NEDD1: variants seen among roughly 807,000 people sequenced by gnomAD.
The protein encoded by NEDD1 is protein NEDD1.
In NEDD1, 33 loss-of-function variants were observed where a neutral mutation model predicts 74.0. That is an observed-to-expected ratio of 0.45 (90% CI 0.34 to 0.60). The LOEUF is 0.60. Ranked by LOEUF, NEDD1 falls within the 20% of genes least tolerant of loss-of-function variation. The pLI is 0.01. For missense variants in NEDD1, 746 were observed against 776.5 expected, an observed-to-expected ratio of 0.96 and a Z score of 0.47; for synonymous variants, 250 against 264.4, an observed-to-expected ratio of 0.95 and a Z score of 0.53.
At position 96,943,668 on chromosome 12, in the gene NEDD1, C is replaced by A. The variant is rs889272984; in HGVS notation, c.1403C>A (p.Ser468Tyr). 1.2e-6 allele frequency: 2 copies of A among 1,611,104 alleles called. No individual in the cohort carries two copies. Among genetic ancestry groups the A allele is most frequent in the African/African-American group, 1.3e-5 (1 of 74,802 alleles). The part of the protein sequence containing the change: ...HSSPLNVFMG[S>Y]PGKEENENRD... Reference sequence around the variant, plus strand: ...AGTCCTCTTAATGTTTTTATGGGATCTCCAGGGAAAGAGGAAAATGAAAAC... The same window carrying A: ...AGTCCTCTTAATGTTTTTATGGGATATCCAGGGAAAGAGGAAAATGAAAAC... The change falls in exon 12 of 16, where the codon TCT (serine) becomes TAT (tyrosine). Residue 468 changes from serine to tyrosine, a missense_variant. Around this residue, in one of 3 missense-constraint regions of NEDD1, gnomAD observed 706 missense variants for 706.7 expected, o/e 1.00. Transcript: ENST00000266742.
chr12:96,930,195 A>T (rs868843937), intron 6 of NEDD1, among the ~76,000 whole-genome samples: 79 of 74,730 alleles, frequency 1.1e-3, no homozygotes, highest in African/African-American at 3.6e-3. Context: ...ACACACACAC[A>T]CACACACACA....
chr12:96,952,080 G>C lies in NEDD1; in HGVS notation c.*27G>C, dbSNP rs1440181657. The C allele has an allele frequency of 2.4e-6, 3 of 1,251,426 alleles. No individual in the cohort carries two copies. The Admixed American group carries it at 5.1e-5, about 21-fold the overall frequency. The allele number at this position is 1,251,426 out of a possible 1,614,324, so 77.5% of individuals were successfully genotyped here. Reference sequence around the variant, plus strand: ...ATTTCAGTGAATACCTTAATGTTCTGTAATTTGGGAAGTTTCTGGCAACAC... The same window carrying C: ...ATTTCAGTGAATACCTTAATGTTCTCTAATTTGGGAAGTTTCTGGCAACAC... On this transcript the variant is annotated 3_prime_UTR_variant, in exon 16 of 16. Transcript: ENST00000266742.
intron 4 of NEDD1, among the ~76,000 whole-genome samples, chr12:96,914,502 A>G (rs1285704259): frequency 6.6e-6 from 1 of 152,194 alleles, no homozygotes; most frequent in Non-Finnish European, 1.5e-5. Flanking sequence ...TTTTCAATCT[A>G]TTTTAATTTA....
chr12:96,945,142 T>G (rs75746227), intron 13 of NEDD1, among the ~76,000 whole-genome samples: 3,143 of 152,108 alleles, frequency 0.021, 105 homozygotes, highest in African/African-American at 0.073. Context: ...ATCCTTAGAG[T>G]TTGTGCTGCA....
chr12:96,930,635 G>A (rs943769065), intron 6 of NEDD1, among the ~76,000 whole-genome samples: 2 of 152,150 alleles, frequency 1.3e-5, no homozygotes, highest in Non-Finnish European at 2.9e-5. Context: ...GTGTTCAGCT[G>A]TGGTTCAGCC....
chr12:96,951,808 A>G, intron 15 of NEDD1, 141 bp from the exon 16 acceptor site: 2 of 576,456 alleles, frequency 3.5e-6, no homozygotes, highest in South Asian at 2.3e-5. Context: ...TTAACAAACT[A>G]GTAAGTTGTT....
At position 96,947,956 on chromosome 12, in the gene NEDD1, G is replaced by A. The variant is rs557343690; in HGVS notation, c.1811+2107G>A. ...ACCATAGGCAGCCTCTGCCTGGGAC[G>A]CAGTGAAGACCCAGAGTGGCTCAGA... is the stretch of plus-strand genomic sequence containing the variant. On this transcript the variant is annotated intron_variant, in intron 14 of 15. Coordinates refer to ENST00000266742, the MANE Select transcript of NEDD1 (RefSeq NM_152905.4). Among the ~76,000 whole-genome samples the A allele has an allele frequency of 6.6e-5, 10 of 152,300 alleles. No individual in the cohort carries two copies. In the South Asian group the frequency reaches 2.1e-3, roughly 32 times the overall value.
intron 9 of NEDD1, among the ~76,000 whole-genome samples, chr12:96,937,900 T>C (rs746171470): frequency 6.6e-6 from 1 of 152,134 alleles, no homozygotes; most frequent in South Asian, 2.1e-4. Context: ...CTTTCTCTTA[T>C]TGTAGAAAAT....
At position 96,921,216 on chromosome 12, in the gene NEDD1, C is replaced by T. The variant is rs1016480833; in HGVS notation, c.489+1091C>T. Among the ~76,000 whole-genome samples, 5 of 152,264 alleles carry T rather than the reference C, an allele frequency of 3.3e-5. No individual in the cohort carries two copies. In the East Asian group the frequency reaches 9.7e-4, roughly 29 times the overall value. ...TGGTTTTTTGAGGCGGAGTCTCGCT[C>T]AGCTGCCCAGGCTAGAGTATAGTGG... On this transcript the variant is annotated intron_variant, in intron 6 of 15. Coordinates refer to ENST00000266742, the MANE Select transcript of NEDD1 (RefSeq NM_152905.4).
At chr12:96,923,271 T>G (rs1211938920) in intron 6 of NEDD1, among the ~76,000 whole-genome samples, 4 of 152,232 alleles carry the variant, frequency 2.6e-5, no homozygotes, top group African/African-American at 9.6e-5. Flanking sequence ...CTTTTGTTGA[T>G]GAGCAGTGAA....
chr12:96,946,004 G>C (rs564134698), intron 14 of NEDD1, among the ~76,000 whole-genome samples, 155 bp downstream of exon 14: 1 of 151,694 alleles, frequency 6.6e-6, no homozygotes, highest in Non-Finnish European at 1.5e-5. Flanking sequence ...TGATCTTTTC[G>C]TACTGCATTT....
rs73368698 is a variant in NEDD1 at position 96,923,995 on chromosome 12, C to A, written c.489+3870C>A. On this transcript the variant is annotated intron_variant, in intron 6 of 15. Transcript: ENST00000266742. Reference sequence around the variant, plus strand: ...TTTTGAAGATACTATTCTGTGTTTTCTTTTAGAAGCTTTGTTGTTTTATCT... The same window carrying A: ...TTTTGAAGATACTATTCTGTGTTTTATTTTAGAAGCTTTGTTGTTTTATCT... 4.4e-3 allele frequency among the ~76,000 whole-genome samples: 674 copies of A among 152,142 alleles called. 7 individuals are homozygous for A. Among genetic ancestry groups the A allele is most frequent in the African/African-American group, 0.016 (648 of 41,516 alleles).
At chr12:96,917,780 T>G (rs774317971) in intron 5 of NEDD1, 43 bp downstream of exon 5, 2 of 1,523,428 alleles carry the variant, frequency 1.3e-6, no homozygotes, top group African/African-American at 2.9e-5. Context: ...ATGGATATCT[T>G]AATGCATTTA....
chr12:96,930,205 A>ACTCTCT (rs1565799004), intron 6 of NEDD1, among the ~76,000 whole-genome samples: 1 of 76,464 alleles, frequency 1.3e-5, no homozygotes, highest in African/African-American at 5.3e-5. Context: ...ACACACACAC[A>ACTCTCT]CACACACTCT....
chr12:96,951,928 A>G (rs1450425090), intron 15 of NEDD1, 21 bp from the exon 16 acceptor site: 8 of 1,254,528 alleles, frequency 6.4e-6, no homozygotes, highest in Non-Finnish European at 9.3e-6. Flanking sequence ...TAATTTAAAA[A>G]GCATTTTCCT....
chr12:96,940,919 G>A (rs1051284786), intron 10 of NEDD1, among the ~76,000 whole-genome samples: 1 of 151,890 alleles, frequency 6.6e-6, no homozygotes, highest in Non-Finnish European at 1.5e-5. Flanking sequence ...GTGTGTATAG[G>A]TGTACACCTC....
At chr12:96,930,931 G>C (rs1034708315) in intron 6 of NEDD1, among the ~76,000 whole-genome samples, 2 of 152,164 alleles carry the variant, frequency 1.3e-5, no homozygotes, top group Non-Finnish European at 2.9e-5. Flanking sequence ...CCATTGAAAG[G>C]ATTTTAAGCA....
intron 11 of NEDD1, 126 bp downstream of exon 11, chr12:96,942,750 T>C: frequency 1.6e-6 from 1 of 637,810 alleles, no homozygotes; most frequent in East Asian, 2.7e-5. Flanking sequence ...ATAATTTCTG[T>C]GTATTAAGAA....
At chr12:96,945,340 A>G (rs1305259336) in intron 13 of NEDD1, among the ~76,000 whole-genome samples, 1 of 151,590 alleles carries the variant, frequency 6.6e-6, no homozygotes, top group African/African-American at 2.4e-5. Context: ...CTTTACTCCT[A>G]TTTTCCTTCG....
Sources: allele counts gnomAD v4.1 joint callset (sites outside exome capture counted in the v4.1 genomes callset), GRCh38; gene constraint gnomAD v4.1.1; regional missense constraint gnomAD v4.1.1; transcripts MANE v1.5; gene names NCBI Gene and HGNC (gene_info 2026-07-23, HGNC 2026-07-21).